The following LMBRD1 variants were observed in gnomAD, a reference collection of about 807,000 sequenced individuals.
The protein encoded by LMBRD1 is lysosomal cobalamin transport escort protein LMBD1.
In LMBRD1, 64 loss-of-function variants were observed where a neutral mutation model predicts 74.8. The ratio of observed to expected loss-of-function variants is 0.86; its 90% confidence interval spans 0.70 to 1.05. The LOEUF (loss-of-function observed/expected upper bound fraction) is 1.05, where lower values mean the gene tolerates loss of function less well. Ranked by LOEUF, LMBRD1 falls within the 50% of genes least tolerant of loss-of-function variation. LMBRD1 has a pLI of 0.00. For synonymous variants in LMBRD1, 204 were observed against 216.3 expected (o/e 0.94, Z 0.50); for missense variants, 652 against 645.9 (o/e 1.01, Z -0.10).
intron 4 of LMBRD1, among the ~76,000 whole-genome samples, chr6:69,750,892 T>G (rs1433545377): frequency 1.3e-5 from 2 of 152,212 alleles, no homozygotes; most frequent in East Asian, 1.9e-4. Flanking sequence ...CTAATCTTAA[T>G]GCAAATGCTC....
Position 69,718,965 on chromosome 6 carries a change from A to G in LMBRD1, c.753T>C (p.Ile251=), listed in dbSNP as rs1333334954. 6.2e-7 allele frequency: 1 copy of G among 1,613,442 alleles called. No individual in the cohort carries two copies. Among genetic ancestry groups the G allele is most frequent in the Non-Finnish European group, 8.5e-7 (1 of 1,179,600 alleles). ...CAAAACATCAACTCACTTTTGATTTAATCGTTTGAATGTGTTGTTCTACTT... is the reference window on the plus strand; with the variant it reads ...CAAAACATCAACTCACTTTTGATTTGATCGTTTGAATGTGTTGTTCTACTT... The part of the protein sequence containing the change: ...IEEVEQHIQT[I]KSKSKDGRPL... The change falls in exon 8 of 16, where the codon ATT becomes ATC. Residue 251 remains isoleucine, a synonymous_variant. Coordinates refer to ENST00000649934, the MANE Select transcript of LMBRD1 (RefSeq NM_018368.4).
chr6:69,680,504 T>C (rs915609479), intron 14 of LMBRD1, among the ~76,000 whole-genome samples: 3 of 152,100 alleles, frequency 2.0e-5, no homozygotes, highest in Non-Finnish European at 4.4e-5. Context: ...ACATTTTAAA[T>C]TGGCTTATAC....
intron 4 of LMBRD1, among the ~76,000 whole-genome samples, chr6:69,750,216 G>C (rs530192425): frequency 6.6e-6 from 1 of 150,812 alleles, no homozygotes; most frequent in East Asian, 1.9e-4. Context: ...TGATAAGAAC[G>C]TCACATATGT....
rs1248389612 is a variant in LMBRD1 at position 69,766,147 on chromosome 6, ATTAT to A, written c.308-13795_308-13792del. On this transcript the variant is annotated intron_variant, in intron 3 of 15. Transcript: ENST00000649934. Reference sequence around the variant, plus strand: ...ATATTTAAGTAAATTTATTCATTTAATTATTTATTTATTTATTTAGACTTATCAC... The same window carrying A: ...ATATTTAAGTAAATTTATTCATTTAATTATTTATTTATTTAGACTTATCAC... Among the ~76,000 whole-genome samples, 9 of 151,658 alleles carry A rather than the reference ATTAT, an allele frequency of 5.9e-5. No individual in the cohort carries two copies. The East Asian group carries it at 7.7e-4, about 13-fold the overall frequency.
Position 69,741,873 on chromosome 6 carries a change from A to C in LMBRD1, c.478T>G (p.Phe160Val), listed in dbSNP as rs1311407651. 2 of 1,573,722 alleles carry C rather than the reference A, an allele frequency of 1.3e-6. No homozygotes were observed. The highest frequency in any genetic ancestry group is 1.7e-6 in the Non-Finnish European group (2 of 1,143,740). ...ICALLLLVGA[F>V]VPLNVPNNKN... is the part of the protein sequence containing the mutation. ...TTATTGGGAACATTCAATGGAACAA[A>C]GGCACTACAAAAGAGAAAATAATTG... The change falls in exon 6 of 16, where the codon TTT (phenylalanine) becomes GTT (valine). Residue 160 changes from phenylalanine (F) to valine (V), a missense_variant. By Grantham distance (50) the Phe-to-Val change is conservative. Around this residue, in one of 3 missense-constraint regions of LMBRD1, gnomAD observed 598 missense variants for 581.8 expected, o/e 1.03. Coordinates refer to ENST00000649934, the MANE Select transcript of LMBRD1 (RefSeq NM_018368.4).
At chr6:69,684,249 A>G (rs1246133266) in intron 14 of LMBRD1, among the ~76,000 whole-genome samples, 2 of 152,106 alleles carry the variant, frequency 1.3e-5, no homozygotes, top group Non-Finnish European at 2.9e-5. Context: ...ATTAAAATTC[A>G]TAATATGGTT....
At chr6:69,777,236 G>C (rs1232975709) in intron 3 of LMBRD1, among the ~76,000 whole-genome samples, 1 of 152,026 alleles carries the variant, frequency 6.6e-6, no homozygotes, top group Non-Finnish European at 1.5e-5. Flanking sequence ...AGGATCACCT[G>C]AGGTCAGGAG....
chr6:69,706,202 A>G (rs1766253819), intron 9 of LMBRD1: 7 of 429,038 alleles, frequency 1.6e-5, no homozygotes, highest in Non-Finnish European at 3.1e-5. Flanking sequence ...AGGCAGATGG[A>G]GATAAACAAC....
intron 8 of LMBRD1, 150 bp from the exon 9 acceptor site, chr6:69,713,947 G>A (rs1766438699): frequency 1.3e-6 from 1 of 756,702 alleles, no homozygotes; most frequent in East Asian, 2.7e-5. Context: ...ACTGCAATAT[G>A]ACAATAAACA....
At chr6:69,781,579 C>A (rs1364842249) in intron 2 of LMBRD1, among the ~76,000 whole-genome samples, 1 of 151,644 alleles carries the variant, frequency 6.6e-6, no homozygotes, top group East Asian at 1.9e-4. Flanking sequence ...CTGATAAATG[C>A]CTAAAATATA....
intron 9 of LMBRD1, chr6:69,705,833 G>GCAC: frequency 7.7e-7 from 1 of 1,297,108 alleles, no homozygotes; most frequent in Non-Finnish European, 1.1e-6. Context: ...TCACTAATAT[G>GCAC]CACTGGCCCT....
intron 7 of LMBRD1, among the ~76,000 whole-genome samples, chr6:69,719,579 T>A (rs911764386): frequency 6.6e-6 from 1 of 152,198 alleles, no homozygotes; most frequent in African/African-American, 2.4e-5. Flanking sequence ...TTTTGCTAAG[T>A]ATTTTAAATA....
intron 2 of LMBRD1, among the ~76,000 whole-genome samples, chr6:69,785,141 A>G (rs931445061): frequency 1.3e-5 from 2 of 152,174 alleles, no homozygotes; most frequent in Admixed American, 1.3e-4. Context: ...ACACCACTGA[A>G]AAAAGCTATC....
At chr6:69,676,582 T>C (rs1362472425) in intron 14 of LMBRD1, 41 bp from the exon 15 acceptor site, 3 of 1,424,434 alleles carry the variant, frequency 2.1e-6, no homozygotes, top group Non-Finnish European at 3.0e-6. Context: ...ATAGGTTCTT[T>C]CATAAAATTG....
chr6:69,753,757 G>A (rs935777030), intron 3 of LMBRD1, among the ~76,000 whole-genome samples: 2 of 152,008 alleles, frequency 1.3e-5, no homozygotes, highest in African/African-American at 2.4e-5. Flanking sequence ...TGGCTAACAC[G>A]GTGAAACCCC....
chr6:69,682,559 GGTAA>G (rs1053366635), intron 14 of LMBRD1, among the ~76,000 whole-genome samples: 1 of 151,808 alleles, frequency 6.6e-6, no homozygotes, highest in African/African-American at 2.4e-5. Context: ...GGGAGTACAA[GGTAA>G]GTATTAGCAT....
At chr6:69,791,612 G>A (rs1001170115) in intron 1 of LMBRD1, among the ~76,000 whole-genome samples, 4 of 152,084 alleles carry the variant, frequency 2.6e-5, no homozygotes, top group Admixed American at 6.6e-5. Flanking sequence ...TTTCAACAGC[G>A]GTTACTTTCT....
At chr6:69,714,057 A>G (rs773044652) in intron 8 of LMBRD1, among the ~76,000 whole-genome samples, 5 of 152,096 alleles carry the variant, frequency 3.3e-5, no homozygotes, top group Non-Finnish European at 5.9e-5. Flanking sequence ...GAGAGAGATA[A>G]CCATTTGTAA....
intron 3 of LMBRD1, among the ~76,000 whole-genome samples, chr6:69,769,882 C>T (rs1765544256): frequency 6.6e-6 from 1 of 152,062 alleles, no homozygotes; most frequent in African/African-American, 2.4e-5. Context: ...AAACTTTGCT[C>T]AAACAACTCA....
Sources: allele counts gnomAD v4.1 joint callset (sites outside exome capture counted in the v4.1 genomes callset), GRCh38; gene constraint gnomAD v4.1.1; regional missense constraint gnomAD v4.1.1; transcripts MANE v1.5; gene names NCBI Gene and HGNC (gene_info 2026-07-23, HGNC 2026-07-21).